The following FASN variants were observed in gnomAD, a reference collection of about 807,000 sequenced individuals.
FASN encodes the protein 3-hydroxyacyl-[acyl-carrier-protein] dehydratase.
In FASN, 50 loss-of-function variants were observed where a neutral mutation model predicts 250.0. That is an observed-to-expected ratio of 0.20 (90% CI 0.16 to 0.25). The LOEUF (loss-of-function observed/expected upper bound fraction) is 0.25, where lower values mean the gene tolerates loss of function less well. Among genes scored for constraint, FASN ranks in the 10% least tolerant of loss-of-function variants. FASN has a pLI of 1.00. For missense variants in FASN, 3,031 were observed against 3,498.5 expected, an observed-to-expected ratio of 0.87 and a Z score of 3.37; for synonymous variants, 1,909 against 1,584.0, an observed-to-expected ratio of 1.21 and a Z score of -4.87.
Position 82,091,498 on chromosome 17 carries a change from G to T in FASN, c.1216C>A (p.Pro406Thr). 6.2e-7 allele frequency: 1 copy of T among 1,604,888 alleles called. No homozygotes were observed. Among genetic ancestry groups the T allele is most frequent in the East Asian group, 2.2e-5 (1 of 44,470 alleles). ...GGSNVHIILR[P>T]NTQPPPAPAP... Reference sequence around the variant, plus strand: ...GGTGCGGGGGGCGGCTGCGTGTTGGGCCTCAGGATGATGTGCACGTTGGAG... The same window carrying T: ...GGTGCGGGGGGCGGCTGCGTGTTGGTCCTCAGGATGATGTGCACGTTGGAG... Residue 406 changes from proline to threonine, a missense_variant, in exon 9 of 43, where the codon CCC (proline) becomes ACC (threonine). Coordinates refer to ENST00000306749, the MANE Select transcript of FASN (RefSeq NM_004104.5).
At chr17:82,094,808 A>G (rs959652365) in intron 3 of FASN, among the ~76,000 whole-genome samples, 24 of 151,524 alleles carry the variant, frequency 1.6e-4, no homozygotes, top group Non-Finnish European at 3.2e-4. Context: ...AAATAAATAA[A>G]AATAAAAATA....
In FASN at chr17:82,086,725, C is replaced by T. The variant is rs535494580; in HGVS notation, c.3428-167G>A. Among the ~76,000 whole-genome samples, 66 of 152,364 alleles carry T rather than the reference C, an allele frequency of 4.3e-4. 1 individual carries two copies. The South Asian group carries it at 0.014, about 32-fold the overall frequency. Reference sequence around the variant, plus strand: ...GGGCTGCCCACCACTGGGAGGCTGACTCCTGCCCACTGTGGACGCAGTGAG... The same window carrying T: ...GGGCTGCCCACCACTGGGAGGCTGATTCCTGCCCACTGTGGACGCAGTGAG... On this transcript the variant is annotated intron_variant, in intron 21 of 42. Coordinates refer to ENST00000306749, the MANE Select transcript of FASN (RefSeq NM_004104.5).
chr17:82,088,706 A>C, intron 15 of FASN, 55 bp downstream of exon 15: 1 of 1,552,596 alleles, frequency 6.4e-7, no homozygotes, highest in Non-Finnish European at 8.8e-7. Context: ...CCGCTCACCC[A>C]CCCCACGCCG....
rs2034209487 is a variant in FASN at position 82,091,571 on chromosome 17, C to A, written c.1143G>T (p.Leu381=). The A allele has an allele frequency of 2.5e-6, 4 of 1,588,742 alleles. No homozygotes were observed. Among genetic ancestry groups the A allele is most frequent in the South Asian group, 1.1e-5 (1 of 87,600 alleles). ...DGRLQVVDQP[L]PVRGGNVGIN... is the part of the protein sequence containing the mutation. Reference sequence around the variant, plus strand: ...TGCCCACGTTGCCGCCACGGACGGGCAGGGGCTGGTCCACCACCTGCAGCC... The same window carrying A: ...TGCCCACGTTGCCGCCACGGACGGGAAGGGGCTGGTCCACCACCTGCAGCC... Residue 381 remains leucine (L), a synonymous_variant, in exon 9 of 43, where the codon CTG becomes CTT. Transcript: ENST00000306749.
intron 3 of FASN, chr17:82,094,145 G>A: frequency 2.7e-6 from 1 of 372,618 alleles, no homozygotes; most frequent in South Asian, 2.2e-5. Flanking sequence ...CGGCAGCTCT[G>A]ATGAGCCCGT....
At position 82,080,756 on chromosome 17, in the gene FASN, G is replaced by C. The variant is rs1425761398; in HGVS notation, c.6762C>G (p.Thr2254=). Residue 2254 remains threonine, a synonymous_variant, in exon 39 of 43, where the codon ACC becomes ACG. Coordinates refer to ENST00000306749, the MANE Select transcript of FASN (RefSeq NM_004104.5). ...LFLVHPIEGS[T]TVFHSLASRL... ...GGGAGGCCAGGCTGTGGAACACGGTGGTGGAGCCCTCGATTGGGTGCACCA... is the reference window on the plus strand; with the variant it reads ...GGGAGGCCAGGCTGTGGAACACGGTCGTGGAGCCCTCGATTGGGTGCACCA... 15 of 1,604,242 alleles carry C rather than the reference G, an allele frequency of 9.4e-6. No individual in the cohort carries two copies. The highest frequency in any genetic ancestry group is 1.3e-5 in the Non-Finnish European group (15 of 1,176,612).
At position 82,080,484 on chromosome 17, in the gene FASN, G is replaced by A. The variant is rs747420204; in HGVS notation, c.6933C>T (p.Ala2311=). The A allele has an allele frequency of 2.5e-6, 4 of 1,571,984 alleles. 1 individual carries two copies. The South Asian group carries it at 3.5e-5, about 14-fold the overall frequency. Residue 2311 remains alanine (A), a synonymous_variant, in exon 40 of 43, where the codon GCC becomes GCT. Transcript: ENST00000306749. ...GGGAGCACATTTCAAAGGCCACGCA[G>A]GCCCCGTAGGAGTAGCCGGCCACGC... is the stretch of plus-strand genomic sequence containing the variant. ...PYRVAGYSYG[A]CVAFEMCSQL...
chr17:82,097,777 G>A (rs1033275416), intron 1 of FASN, among the ~76,000 whole-genome samples: 33 of 152,100 alleles, frequency 2.2e-4, no homozygotes, highest in Non-Finnish European at 4.6e-4. Flanking sequence ...GCGGCTCCGG[G>A]AGGAGGATGC....
At chr17:82,089,558 G>T in intron 12 of FASN, 74 bp downstream of exon 12, 1 of 1,542,538 alleles carries the variant, frequency 6.5e-7, no homozygotes, top group Non-Finnish European at 8.8e-7. Flanking sequence ...CGTAGACCGT[G>T]GCCGCGTGTC....
Position 82,089,270 on chromosome 17 carries a change from G to A in FASN, c.2080C>T (p.Leu694=), listed in dbSNP as rs763223234. ...SYFMEAIAPP[L]LQELKKVIRE... is the part of the protein sequence containing the mutation. ...TCCACCTTCTTGAGCTCCTGCAGCA[G>A]TGGGGGTGCGATGGCCTCCATGAAG... Residue 694 remains leucine (L), a synonymous_variant, in exon 13 of 43, where the codon CTG becomes TTG. Transcript: ENST00000306749. 3 of 1,612,718 alleles carry A rather than the reference G, an allele frequency of 1.9e-6. No individual in the cohort carries two copies. The highest frequency in any genetic ancestry group is 3.3e-5 in the Admixed American group (2 of 60,010).
chr17:82,089,122 G>C lies in FASN; in HGVS notation c.2151C>G (p.Ile717Met), dbSNP rs756243605. 1 of 1,567,552 alleles carries C rather than the reference G, an allele frequency of 6.4e-7. No individual in the cohort carries two copies. The highest frequency in any genetic ancestry group is 1.2e-5 in the South Asian group (1 of 86,234). ...PRSARWLSTSIPEAQWHSSLA... is the reference protein window; with the variant it reads ...PRSARWLSTSMPEAQWHSSLA... Reference sequence around the variant, plus strand: ...GGCTGCTGTGCCACTGGGCCTCGGGGATAGAGGTGCTGAGCCAGCGGGCTG... The same window carrying C: ...GGCTGCTGTGCCACTGGGCCTCGGGCATAGAGGTGCTGAGCCAGCGGGCTG... The change falls in exon 14 of 43, where the codon ATC (isoleucine) becomes ATG (methionine). Residue 717 changes from isoleucine (I) to methionine (M), a missense_variant. Ile to Met is a conservative substitution (Grantham distance 10). Coordinates refer to ENST00000306749, the MANE Select transcript of FASN (RefSeq NM_004104.5).
At chr17:82,086,658 C>T (rs913536734) in intron 21 of FASN, 100 bp from the exon 22 acceptor site, 17 of 884,054 alleles carry the variant, frequency 1.9e-5, no homozygotes, top group African/African-American at 6.6e-5. Context: ...GCCACCACCC[C>T]GCTCTGCCCA....
rs376743967 is a variant in FASN at position 82,090,477 on chromosome 17, C to T, written c.1768G>A (p.Ala590Thr). ...TCCTCCTGGGACAGGCAGCCGTCGG[C>T]GTAGCCACAGGCCACCTCCCCCAGG... ...HSLGEVACGY[A>T]DGCLSQEEAV... is the part of the protein sequence containing the mutation. Residue 590 changes from alanine (A) to threonine (T), a missense_variant, in exon 11 of 43, where the codon GCC becomes ACC. Coordinates refer to ENST00000306749, the MANE Select transcript of FASN (RefSeq NM_004104.5). 3.9e-5 allele frequency: 63 copies of T among 1,609,046 alleles called. No individual in the cohort carries two copies. Among genetic ancestry groups the T allele is most frequent in the South Asian group, 3.9e-4 (35 of 90,490 alleles).
Position 82,087,923 on chromosome 17 carries a change from C to T in FASN, c.2866+31G>A, listed in dbSNP as rs190906388. 92 of 1,612,258 alleles carry T rather than the reference C, an allele frequency of 5.7e-5. No homozygotes were observed. The East Asian group carries it at 9.8e-4, about 17-fold the overall frequency. On this transcript the variant is annotated intron_variant, in intron 18 of 42. Transcript: ENST00000306749. Reference sequence around the variant, plus strand: ...GCGGCATGGCCAGCGGGCACAGCCTCCGCAGCTCCCGTGCCACCGGCCCTG... The same window carrying T: ...GCGGCATGGCCAGCGGGCACAGCCTTCGCAGCTCCCGTGCCACCGGCCCTG...
rs1598582477 is a variant in FASN at position 82,091,652 on chromosome 17, G to A, written c.1062C>T (p.Ala354=). The change falls in exon 9 of 43, where the codon GCC becomes GCT. Residue 354 remains alanine (A), a synonymous_variant. Coordinates refer to ENST00000306749, the MANE Select transcript of FASN (RefSeq NM_004104.5). The stretch of plus-strand genomic sequence containing the variant: ...TGGGGCTATGGAAGTGCAGGTTGGG[G>A]GCCCAGAGCCCGTGCTCCAGGGACA... The part of the protein sequence containing the change: ...VLLSLEHGLW[A]PNLHFHSPNP... 1 of 1,594,384 alleles carries A rather than the reference G, an allele frequency of 6.3e-7. No individual in the cohort carries two copies. Among genetic ancestry groups the A allele is most frequent in the South Asian group, 1.1e-5 (1 of 87,924 alleles).
Position 82,083,591 on chromosome 17 carries a change from C to G in FASN, c.5267G>C (p.Ser1756Thr). Residue 1756 changes from serine to threonine, a missense_variant, in exon 31 of 43, where the codon AGC becomes ACC. By Grantham distance (58) the Ser-to-Thr change is moderately conservative (BLOSUM62 1). Coordinates refer to ENST00000306749, the MANE Select transcript of FASN (RefSeq NM_004104.5). The stretch of plus-strand genomic sequence containing the variant: ...ACCGTGCGTAGCCAAGCACCTCACG[C>G]TGGCCTGCAGCTTCTCTTCCGCCAA... ...NSLAEEKLQASVRCLATHGRF... is the reference protein window; with the variant it reads ...NSLAEEKLQATVRCLATHGRF... 1 of 1,612,366 alleles carries G rather than the reference C, an allele frequency of 6.2e-7. No homozygotes were observed. Among genetic ancestry groups the G allele is most frequent in the African/African-American group, 1.3e-5 (1 of 75,062 alleles).
rs754621431 is a variant in FASN at position 82,087,996 on chromosome 17, G to T, written c.2824C>A (p.Arg942Ser). 1 of 1,612,752 alleles carries T rather than the reference G, an allele frequency of 6.2e-7. No homozygotes were observed. The highest frequency in any genetic ancestry group is 1.1e-5 in the South Asian group (1 of 91,084). Residue 942 changes from arginine (R) to serine (S), a missense_variant, in exon 18 of 43, where the codon CGT becomes AGT. Coordinates refer to ENST00000306749, the MANE Select transcript of FASN (RefSeq NM_004104.5). ...CCGTTCTCTGACACCTCGAAGGCAC[G>T]GGAGGCCTCCAGGAGCCGTACCTCC... ...SLEVRLLEAS[R>S]AFEVSENGNL...
chr17:82,081,708 T>A lies in FASN; in HGVS notation c.6299A>T (p.Asn2100Ile), dbSNP rs1156320675. Residue 2100 changes from asparagine to isoleucine, a missense_variant, in exon 37 of 43, where the codon AAC (asparagine) becomes ATC (isoleucine). Coordinates refer to ENST00000306749, the MANE Select transcript of FASN (RefSeq NM_004104.5). The stretch of plus-strand genomic sequence containing the variant: ...GCTGCTCAGGACCATGTGGGGCTGG[T>A]TCAGGAAGAGGTCCAGCACCTCCAG... ...SCLEVLDLFL[N>I]QPHMVLSSFV... 1.9e-6 allele frequency: 3 copies of A among 1,612,550 alleles called. No homozygotes were observed. Among genetic ancestry groups the A allele is most frequent in the Non-Finnish European group, 2.5e-6 (3 of 1,179,984 alleles).
In FASN at chr17:82,088,749, G is replaced by T; in HGVS notation, c.2420+12C>A. On this transcript the variant is annotated intron_variant, in intron 15 of 42. Coordinates refer to ENST00000306749, the MANE Select transcript of FASN (RefSeq NM_004104.5). ...CTCCGGGAGACGAGACCCGGGCTGG[G>T]AAGGGACCCACCCTGAGAGGTGCAG... The T allele has an allele frequency of 1.2e-6, 2 of 1,608,188 alleles. No homozygotes were observed. The highest frequency in any genetic ancestry group is 1.7e-6 in the Non-Finnish European group (2 of 1,176,578).
Sources: allele counts gnomAD v4.1 joint callset (sites outside exome capture counted in the v4.1 genomes callset), GRCh38; gene constraint gnomAD v4.1.1; transcripts MANE v1.5; gene names NCBI Gene and HGNC (gene_info 2026-07-23, HGNC 2026-07-21).